The following PXT1 variants were observed in gnomAD, a reference collection of about 807,000 sequenced individuals.
The protein encoded by PXT1 is peroxisomal testis-specific protein 1.
PXT1 carries 11 observed loss-of-function variants against 11.0 expected under a neutral mutation model. That is an observed-to-expected ratio of 1.00 (90% CI 0.63 to 1.66). PXT1 has a LOEUF of 1.66. PXT1 is among the 40% of genes most tolerant of loss of function. PXT1 has a pLI of 0.00. For synonymous variants in PXT1, 43 were observed against 51.4 expected (o/e 0.84, Z 0.70); for missense variants, 141 against 155.5 (o/e 0.91, Z 0.49).
At chr6:36,393,156 G>C (rs187074596) in intron 4 of PXT1, 1 of 151,962 alleles carries the variant, frequency 6.6e-6, no homozygotes, top group Non-Finnish European at 1.5e-5. Context: ...TGTATTTTTA[G>C]TAGAGACAGG....
At chr6:36,415,848 G>T (rs1188736844) in intron 3 of PXT1, among the ~76,000 whole-genome samples, 1 of 152,166 alleles carries the variant, frequency 6.6e-6, no homozygotes, top group Admixed American at 6.5e-5. Context: ...TGAACAGGAG[G>T]AGGGTTCCCC....
chr6:36,418,697 T>G (rs951220953), intron 3 of PXT1, among the ~76,000 whole-genome samples: 2 of 152,142 alleles, frequency 1.3e-5, no homozygotes, highest in African/African-American at 2.4e-5. Flanking sequence ...AAATCACCTT[T>G]CACCATGGGC....
intron 4 of PXT1, among the ~76,000 whole-genome samples, chr6:36,396,141 GGAACAGAATTGAGA>G (rs1561924058): frequency 6.6e-6 from 1 of 152,220 alleles, no homozygotes; most frequent in East Asian, 1.9e-4. Flanking sequence ...ACAGATCAGC[GGAACAGAATTGAGA>G]GTACAGAAAG....
At chr6:36,400,694 T>C in intron 3 of PXT1, 110 bp from the exon 4 acceptor site, 2 of 1,193,236 alleles carry the variant, frequency 1.7e-6, no homozygotes, top group South Asian at 2.9e-5. Context: ...GTTGGCCAGA[T>C]GCAGTGGCTC....
chr6:36,429,508 C>CTTTTTTTTTTTTTTTTTTTTTTT (rs112777415), intron 2 of PXT1, among the ~76,000 whole-genome samples: 5 of 108,214 alleles, frequency 4.6e-5, no homozygotes, highest in South Asian at 3.0e-4. Flanking sequence ...TTTTTCTTTT[C>CTTTTTTTTTTTTTTTTTTTTTTT]TTTTTTTTTT....
chr6:36,403,378 A>AT (rs1353427736), intron 3 of PXT1, among the ~76,000 whole-genome samples: 1 of 152,234 alleles, frequency 6.6e-6, no homozygotes, highest in Non-Finnish European at 1.5e-5. Flanking sequence ...GAAACAGATT[A>AT]TATATTTAAG....
At chr6:36,393,725 C>CA (rs33980831) in intron 4 of PXT1, among the ~76,000 whole-genome samples, 68,264 of 142,374 alleles carry the variant, frequency 0.48, 16,161 homozygotes, top group Middle Eastern at 0.58. Context: ...GACTATGCCT[C>CA]AAAAAAAAAA....
intron 2 of PXT1, among the ~76,000 whole-genome samples, chr6:36,436,113 C>CAAAAAAAAAA: frequency 3.3e-5 from 2 of 60,096 alleles, no homozygotes; most frequent in Non-Finnish European, 6.7e-5. Flanking sequence ...AAAAGTAAGC[C>CAAAAAAAAAA]AAAAAAAAAA....
chr6:36,404,409 C>T (rs1193111716), intron 3 of PXT1, among the ~76,000 whole-genome samples: 2 of 152,038 alleles, frequency 1.3e-5, no homozygotes, highest in African/African-American at 2.4e-5. Context: ...CCTACTGTGC[C>T]GCCAATCACT....
intron 3 of PXT1, among the ~76,000 whole-genome samples, chr6:36,410,679 C>T (rs1256998580): frequency 6.6e-6 from 1 of 152,164 alleles, no homozygotes; most frequent in Admixed American, 6.5e-5. Context: ...AGAGGTCAAA[C>T]CCTGTGGTGA....
intron 4 of PXT1, among the ~76,000 whole-genome samples, chr6:36,396,529 A>G (rs936866370): frequency 3.9e-5 from 6 of 152,234 alleles, no homozygotes; most frequent in African/African-American, 1.4e-4. Context: ...CGCCGGAGGC[A>G]GATTGATTCC....
chr6:36,430,820 C>T (rs546353), intron 2 of PXT1, among the ~76,000 whole-genome samples: 3 of 151,624 alleles, frequency 2.0e-5, no homozygotes, highest in Non-Finnish European at 4.4e-5. Flanking sequence ...TTTGAGACAA[C>T]GTCTCGCTCT....
chr6:36,396,299 C>A (rs899500391), intron 4 of PXT1, among the ~76,000 whole-genome samples: 1 of 152,202 alleles, frequency 6.6e-6, no homozygotes, highest in Non-Finnish European at 1.5e-5. Context: ...GGAGCCCAGC[C>A]CCTTCTGAGT....
At chr6:36,430,115 G>T (rs1419755168) in intron 2 of PXT1, among the ~76,000 whole-genome samples, 3 of 151,748 alleles carry the variant, frequency 2.0e-5, no homozygotes, top group Non-Finnish European at 4.4e-5. Context: ...GCTGAGGCAG[G>T]AAAATTGCCT....
intron 2 of PXT1, among the ~76,000 whole-genome samples, chr6:36,436,864 C>T (rs938159723): frequency 6.6e-6 from 1 of 152,178 alleles, no homozygotes; most frequent in Admixed American, 6.5e-5. Context: ...AAGGTTACAA[C>T]AGTGAACAAA....
intron 3 of PXT1, 109 bp downstream of exon 3, chr6:36,425,805 A>ACAAACAAACAAAAAAAAAAAAT (rs763685304): frequency 1.5e-5 from 5 of 335,614 alleles, no homozygotes; most frequent in African/African-American, 1.1e-4. Context: ...AAAAACAAAA[A>ACAAACAAACAAAAAAAAAAAAT]ATATATATAT....
intron 3 of PXT1, among the ~76,000 whole-genome samples, chr6:36,424,457 C>G (rs1373072618): frequency 2.0e-5 from 3 of 151,374 alleles, no homozygotes; most frequent in Non-Finnish European, 4.4e-5. Context: ...CTGGCTAACA[C>G]GGTGAAACCC....
Position 36,391,835 on chromosome 6 carries a change from C to T in PXT1, c.340G>A (p.Val114Ile), listed in dbSNP as rs775206351. ...QDGRDALDHF[V>I]FFFFRRVQVL... ...TGAACTCTTCTAAAGAAAAAGAAGA[C>T]AAAATGATCTAGTGCATCTCTGCCA... is the stretch of plus-strand genomic sequence containing the variant. The change falls in exon 5 of 5, where the codon GTC becomes ATC. Residue 114 changes from valine (V) to isoleucine (I), a missense_variant. Val to Ile is a conservative substitution (Grantham distance 29). Coordinates refer to ENST00000454782, the MANE Select transcript of PXT1 (RefSeq NM_152990.4). 3.1e-6 allele frequency: 5 copies of T among 1,612,430 alleles called. No individual in the cohort carries two copies. Among genetic ancestry groups the T allele is most frequent in the Non-Finnish European group, 4.2e-6 (5 of 1,179,442 alleles).
rs632643 is a variant in PXT1 at position 36,423,551 on chromosome 6, C to A, written c.169+2363G>T. Among the ~76,000 whole-genome samples, 520 of 152,348 alleles carry A rather than the reference C, an allele frequency of 3.4e-3. 1 individual carries two copies. The highest frequency in any genetic ancestry group is 0.012 in the African/African-American group (494 of 41,566). On this transcript the variant is annotated intron_variant, in intron 3 of 4. Coordinates refer to ENST00000454782, the MANE Select transcript of PXT1 (RefSeq NM_152990.4). The stretch of plus-strand genomic sequence containing the variant: ...TGGCGGGAGCGGGAGTTAGGGAGGC[C>A]GGGTTCCCGAATTACACACACCAGC...
Sources: gnomAD v4.1 joint callset for allele counts (sites outside exome capture counted in the v4.1 genomes callset) on GRCh38, gnomAD v4.1.1 for gene constraint, MANE v1.5 for transcripts, NCBI Gene and HGNC (gene_info 2026-07-23, HGNC 2026-07-21) for gene names.